The following ELOVL7 variants were observed in gnomAD, a reference collection of about 807,000 sequenced individuals.
ELOVL7 encodes the protein ELOVL fatty acid elongase 7.
ELOVL7 carries 27 observed loss-of-function variants against 35.7 expected under a neutral mutation model. The ratio of observed to expected loss-of-function variants is 0.76; its 90% CI spans 0.56 to 1.04. The LOEUF (loss-of-function observed/expected upper bound fraction) is 1.04, where lower values mean the gene tolerates loss of function less well. ELOVL7 is among the 50% of genes least tolerant of loss of function. ELOVL7 has a pLI of 0.00. For missense variants in ELOVL7, 327 were observed against 340.8 expected, an observed-to-expected ratio of 0.96 and a Z score of 0.32; for synonymous variants, 113 against 114.6, an observed-to-expected ratio of 0.99 and a Z score of 0.09.
intron 1 of ELOVL7, among the ~76,000 whole-genome samples, chr5:60,814,503 C>T (rs1194579750): frequency 6.6e-6 from 1 of 152,118 alleles, no homozygotes; most frequent in Non-Finnish European, 1.5e-5. Context: ...GAGTTGCTAC[C>T]CAAGTTATCC....
chr5:60,768,007 A>T, intron 4 of ELOVL7, 104 bp from the exon 5 acceptor site: 1 of 857,846 alleles, frequency 1.2e-6, no homozygotes, highest in Non-Finnish European at 2.0e-6. Context: ...AGCTAAGTCA[A>T]TAGTCAGTGC....
chr5:60,814,065 G>C (rs1490465004), intron 1 of ELOVL7, among the ~76,000 whole-genome samples: 1 of 152,172 alleles, frequency 6.6e-6, no homozygotes, highest in African/African-American at 2.4e-5. Flanking sequence ...AACGAACTCA[G>C]CTAAGCTACT....
chr5:60,764,560 G>A (rs966214369), intron 6 of ELOVL7, among the ~76,000 whole-genome samples: 1 of 151,642 alleles, frequency 6.6e-6, no homozygotes, highest in African/African-American at 2.4e-5. Flanking sequence ...CCAATAAAAA[G>A]GCAAAAAGAA....
chr5:60,815,931 G>C (rs1222884773), intron 1 of ELOVL7, among the ~76,000 whole-genome samples: 1 of 152,166 alleles, frequency 6.6e-6, no homozygotes, highest in Non-Finnish European at 1.5e-5. Context: ...GCAGATCTGA[G>C]GCATGTCCTG....
intron 3 of ELOVL7, among the ~76,000 whole-genome samples, chr5:60,775,337 T>C (rs1579806411): frequency 6.6e-6 from 1 of 152,030 alleles, no homozygotes; most frequent in East Asian, 1.9e-4. Flanking sequence ...TCATGGAAAA[T>C]ACAAATGGAA....
At position 60,754,835 on chromosome 5, in the gene ELOVL7, T is replaced by C. The variant is rs1741438320; in HGVS notation, c.637-2A>G. The C allele has an allele frequency of 3.1e-6, 5 of 1,612,362 alleles. No homozygotes were observed. The highest frequency in any genetic ancestry group is 4.2e-6 in the Non-Finnish European group (5 of 1,179,256). The stretch of plus-strand genomic sequence containing the variant: ...GATGGCGACAATAACAAACTGGACC[T>C]AAGAAATGAAAACGTGAAAAAAAAT... On this transcript the variant is annotated splice_acceptor_variant, in intron 8 of 8. Transcript: ENST00000508821. LOFTEE classifies it high-confidence loss of function.
chr5:60,834,634 C>T (rs1486657046), intron 1 of ELOVL7, among the ~76,000 whole-genome samples: 2 of 151,900 alleles, frequency 1.3e-5, no homozygotes, highest in South Asian at 4.1e-4. Context: ...GAGATCCTGT[C>T]TCTCAAAAAA....
chr5:60,783,396 C>T (rs1743376951), intron 3 of ELOVL7, among the ~76,000 whole-genome samples: 1 of 152,184 alleles, frequency 6.6e-6, no homozygotes, highest in Admixed American at 6.5e-5. Context: ...GGATGACACC[C>T]ATGACTCCGG....
In ELOVL7 at chr5:60,784,060, G is replaced by A. The variant is rs373612114; in HGVS notation, c.64+3274C>T. ...TAATTCGTTTCTAAGAGTGTCCCAG[G>A]GAGAGAGCATAGGGAAAGTAGAATG... On this transcript the variant is annotated intron_variant, in intron 3 of 8. Transcript: ENST00000508821. 15 of 961,650 alleles carry A rather than the reference G, an allele frequency of 1.6e-5. No individual in the cohort carries two copies. The East Asian group carries it at 2.3e-4, about 15-fold the overall frequency. 59.6% of individuals were successfully genotyped at this position (961,650 alleles called of 1,614,324 possible). A position where few individuals can be genotyped will look rare whatever the true frequency, so the allele number is the denominator to read the frequency against.
At chr5:60,771,412 C>T (rs1742582824) in intron 4 of ELOVL7, among the ~76,000 whole-genome samples, 1 of 152,276 alleles carries the variant, frequency 6.6e-6, no homozygotes, top group Admixed American at 6.5e-5. Context: ...TGAGTCTATG[C>T]TCTCTGTCCC....
intron 5 of ELOVL7, 144 bp from the exon 6 acceptor site, chr5:60,766,774 AC>A: frequency 1.6e-6 from 1 of 632,684 alleles, no homozygotes; most frequent in Non-Finnish European, 2.7e-6. Flanking sequence ...AAGTACCTTC[AC>A]ACTGTTGTTC....
intron 3 of ELOVL7, among the ~76,000 whole-genome samples, chr5:60,775,903 C>A (rs1218565421): frequency 6.6e-6 from 1 of 152,184 alleles, no homozygotes; most frequent in Non-Finnish European, 1.5e-5. Flanking sequence ...CTAGGAAACA[C>A]TCTTCTGGAC....
intron 1 of ELOVL7, among the ~76,000 whole-genome samples, chr5:60,806,006 A>G (rs927733228): frequency 5.3e-5 from 8 of 152,184 alleles, no homozygotes; most frequent in African/African-American, 1.9e-4. Flanking sequence ...ATGTGACCTT[A>G]TTTGGAGAAA....
chr5:60,798,884 A>G (rs1744424937), intron 2 of ELOVL7, among the ~76,000 whole-genome samples: 2 of 152,230 alleles, frequency 1.3e-5, no homozygotes, highest in South Asian at 4.1e-4. Flanking sequence ...TGAACGTTCT[A>G]TCCAACAACA....
intron 1 of ELOVL7, among the ~76,000 whole-genome samples, chr5:60,805,851 C>T (rs1450788083): frequency 6.6e-6 from 1 of 152,120 alleles, no homozygotes; most frequent in African/African-American, 2.4e-5. Flanking sequence ...GACTGAGCCT[C>T]ATTATGTCCA....
intron 1 of ELOVL7, among the ~76,000 whole-genome samples, chr5:60,807,992 CAAAAAAAAAAAA>C (rs34086506): frequency 2.8e-4 from 12 of 42,424 alleles, no homozygotes; most frequent in South Asian, 4.1e-3. Flanking sequence ...GACTCCGTCT[CAAAAAAAAAAAA>C]AAAAAAAAAA....
intron 2 of ELOVL7, among the ~76,000 whole-genome samples, chr5:60,795,685 GT>G (rs1744212732): frequency 6.6e-6 from 1 of 152,234 alleles, no homozygotes; most frequent in South Asian, 2.1e-4. Context: ...CCGGCAGGGT[GT>G]CCACTGTGCT....
At chr5:60,775,740 A>C (rs912458248) in intron 3 of ELOVL7, among the ~76,000 whole-genome samples, 19 of 152,142 alleles carry the variant, frequency 1.2e-4, no homozygotes, top group African/African-American at 4.6e-4. Flanking sequence ...AGGACTCCCT[A>C]TTCAATAGAT....
intron 1 of ELOVL7, among the ~76,000 whole-genome samples, chr5:60,811,086 A>C (rs1745213543): frequency 6.6e-6 from 1 of 152,266 alleles, no homozygotes; most frequent in Middle Eastern, 3.4e-3. Context: ...GAGAGGCTGT[A>C]TTTATCTTCT....
Sources: allele counts gnomAD v4.1 joint callset (sites outside exome capture counted in the v4.1 genomes callset), GRCh38; gene constraint gnomAD v4.1.1; transcripts MANE v1.5; gene names NCBI Gene and HGNC (gene_info 2026-07-23, HGNC 2026-07-21).